MAP4: variants seen among roughly 807,000 people sequenced by gnomAD.
MAP4 encodes microtubule-associated protein 4.
MAP4 carries 76 observed loss-of-function variants against 170.2 expected under a neutral mutation model. The observed-to-expected ratio is 0.45, with a 90% CI of 0.37 to 0.54. The LOEUF (loss-of-function observed/expected upper bound fraction) is 0.54. MAP4 is among the 20% of genes least tolerant of loss of function. The pLI is 0.00. For missense variants in MAP4, 2,506 were observed against 2,748.0 expected (o/e 0.91, Z 1.97); for synonymous variants, 909 against 994.5 (o/e 0.91, Z 1.62).
chr3:48,023,326 C>G (rs1176369475), intron 1 of MAP4, among the ~76,000 whole-genome samples: 2 of 152,044 alleles, frequency 1.3e-5, no homozygotes, highest in Non-Finnish European at 1.5e-5. Context: ...ATCAAACTTA[C>G]CAACATAAGA....
At chr3:47,974,527 AT>A in intron 3 of MAP4, 5 of 980,668 alleles carry the variant, frequency 5.1e-6, no homozygotes, top group Non-Finnish European at 6.1e-6. Context: ...AAGAAGCTGC[AT>A]AATCAGTAAA....
At chr3:48,017,174 C>T (rs1237635965), upstream of MAP4, among the ~76,000 whole-genome samples, 1 of 152,082 alleles carries the variant, frequency 6.6e-6, no homozygotes, top group Non-Finnish European at 1.5e-5. Flanking sequence ...AAGTCACTTA[C>T]AAATGAGGCT....
intron 3 of MAP4, among the ~76,000 whole-genome samples, chr3:47,941,359 T>A (rs551766798): frequency 6.6e-6 from 1 of 152,070 alleles, no homozygotes; most frequent in Admixed American, 6.6e-5. Context: ...TAACTACATA[T>A]TTGTGTGAAA....
intron 1 of MAP4, among the ~76,000 whole-genome samples, chr3:48,053,775 C>T (rs2100129171): frequency 6.6e-6 from 1 of 152,006 alleles, no homozygotes; most frequent in South Asian, 2.1e-4. Flanking sequence ...CTGATTGATA[C>T]CAAATTGGTG....
chr3:47,966,714 C>T (rs1168552677), intron 3 of MAP4, among the ~76,000 whole-genome samples: 2 of 152,104 alleles, frequency 1.3e-5, no homozygotes, highest in African/African-American at 2.4e-5. Context: ...TCCAGTTTTC[C>T]CCTCATCATT....
chr3:47,887,773 T>G (rs953568728), intron 10 of MAP4, among the ~76,000 whole-genome samples: 3 of 152,214 alleles, frequency 2.0e-5, no homozygotes, highest in African/African-American at 7.2e-5. Context: ...AATCCACCAA[T>G]CGACACTCTG....
At chr3:47,972,995 G>C in intron 3 of MAP4, 5 of 982,852 alleles carry the variant, frequency 5.1e-6, no homozygotes, top group Non-Finnish European at 6.0e-6. Flanking sequence ...ATTAGACCTA[G>C]AACTTGGGCC....
intron 1 of MAP4, among the ~76,000 whole-genome samples, chr3:48,088,287 C>T (rs959513871): frequency 2.0e-5 from 3 of 151,736 alleles, no homozygotes; most frequent in South Asian, 2.1e-4. Context: ...GGGCCCGGTT[C>T]TCCAGACCAC....
Position 47,909,763 on chromosome 3 carries a change from T to G in MAP4, c.4658A>C (p.Glu1553Ala), listed in dbSNP as rs2153492935. The G allele has an allele frequency of 6.2e-7, 1 of 1,614,030 alleles. No homozygotes were observed. The highest frequency in any genetic ancestry group is 1.3e-5 in the African/African-American group (1 of 75,068). ...CTTAGACGCACCACTGTGCACTGAC[T>G]CAGATTCTCCTATCACATGCCCTTC... Reference protein sequence around the residue: ...IDEGHVIGESESVHSGASKHS... With the variant: ...IDEGHVIGESASVHSGASKHS... The change falls in exon 9 of 21, where the codon GAG (glutamate) becomes GCG (alanine). Residue 1553 changes from glutamate to alanine, a missense_variant. Glu to Ala is a moderately radical substitution (Grantham distance 107). Coordinates refer to ENST00000683076, the MANE Select transcript of MAP4 (RefSeq NM_001385682.1).
At chr3:47,872,181 GTTTGT>G (rs554016844) in intron 12 of MAP4, 81 bp from the exon 13 acceptor site, 380 of 1,295,054 alleles carry the variant, frequency 2.9e-4, no homozygotes, top group Non-Finnish European at 3.8e-4. Flanking sequence ...TTCTTTTTTT[GTTTGT>G]TTTGTTTTGT....
chr3:48,054,456 A>G (rs1044302158), intron 1 of MAP4, among the ~76,000 whole-genome samples: 1 of 151,792 alleles, frequency 6.6e-6, no homozygotes, highest in Non-Finnish European at 1.5e-5. Context: ...CCCCGTCTCT[A>G]CCAAAAATAC....
At position 47,975,375 on chromosome 3, in the gene MAP4, A is replaced by C. The variant is rs956413919; in HGVS notation, c.292+2490T>G. The C allele has an allele frequency of 4.5e-6, 7 of 1,551,866 alleles. No individual in the cohort carries two copies. The South Asian group carries it at 8.3e-5, about 18-fold the overall frequency. On this transcript the variant is annotated intron_variant, in intron 3 of 20. Transcript: ENST00000683076. Reference sequence around the variant, plus strand: ...GGAATGAAAAGCAAAGCTCTGCAAAATGCTGAAGGTTTTAGAAGTATAACG... The same window carrying C: ...GGAATGAAAAGCAAAGCTCTGCAAACTGCTGAAGGTTTTAGAAGTATAACG...
chr3:47,904,898 G>A (rs2100032074), intron 9 of MAP4, among the ~76,000 whole-genome samples: 1 of 152,160 alleles, frequency 6.6e-6, no homozygotes, highest in Non-Finnish European at 1.5e-5. Context: ...TTGAACTCCT[G>A]GCCTCAAGTG....
At chr3:47,876,420 C>T (rs952288204) in intron 11 of MAP4, among the ~76,000 whole-genome samples, 4 of 152,134 alleles carry the variant, frequency 2.6e-5, no homozygotes, top group East Asian at 1.9e-4. Flanking sequence ...CGTGAGCCAC[C>T]GCGCCTGGCC....
At chr3:47,997,368 C>A (rs2100096530) in intron 2 of MAP4, among the ~76,000 whole-genome samples, 2 of 89,840 alleles carry the variant, frequency 2.2e-5, no homozygotes, top group South Asian at 3.7e-4. Flanking sequence ...AAGGCAGACA[C>A]AAAGAGGAAT....
intron 3 of MAP4, among the ~76,000 whole-genome samples, chr3:47,945,944 A>AT (rs1352961386): frequency 1.3e-5 from 2 of 150,254 alleles, no homozygotes; most frequent in African/African-American, 2.4e-5. Flanking sequence ...ATTTTATTTT[A>AT]TTTTTTTTGA....
In MAP4 at chr3:47,916,447, C is replaced by T. The variant is rs2100039198; in HGVS notation, c.1380G>A (p.Leu460=). Residue 460 remains leucine (L), a synonymous_variant, in exon 7 of 21, where the codon TTG becomes TTA. Transcript: ENST00000683076. The part of the protein sequence containing the change: ...MTLPPETNVI[L]TKDKALPLEA... ...CTAAAGGTAGTGCTTTATCCTTGGT[C>T]AAGATCACGTTGGTTTCCGGGGGCA... is the stretch of plus-strand genomic sequence containing the variant. The T allele has an allele frequency of 1.9e-6, 3 of 1,614,032 alleles. No individual in the cohort carries two copies. Among genetic ancestry groups the T allele is most frequent in the Admixed American group, 1.7e-5 (1 of 59,998 alleles).
intron 19 of MAP4, among the ~76,000 whole-genome samples, chr3:47,854,760 AGGCCCCAGGCAGGCCCTGCAGAGGG>A (rs2051684879): frequency 6.6e-6 from 1 of 150,860 alleles, no homozygotes; most frequent in African/African-American, 2.5e-5. Context: ...CTGCAGAGGG[AGGCCCCAGGCAGGCCCTGCAGAGGG>A]AGGCCCCAGG....
chr3:47,865,164 G>A (rs181560588), intron 17 of MAP4, among the ~76,000 whole-genome samples: 1 of 152,328 alleles, frequency 6.6e-6, no homozygotes, highest in East Asian at 1.9e-4. Flanking sequence ...GAGGTCATGT[G>A]TAGGCAGTGT....
Sources: allele counts gnomAD v4.1 joint callset (sites outside exome capture counted in the v4.1 genomes callset), GRCh38; gene constraint gnomAD v4.1.1; transcripts MANE v1.5; gene names NCBI Gene and HGNC (gene_info 2026-07-23, HGNC 2026-07-21).